TBRG1: variants seen among roughly 807,000 people sequenced by gnomAD.
TBRG1 encodes the protein transforming growth factor beta regulator 1, also known as nuclear interactor of ARF and MDM2.
Under a neutral mutation model 44.0 loss-of-function variants are expected in TBRG1, and 31 were observed. The observed-to-expected ratio is 0.70, with a 90% CI of 0.53 to 0.95. The LOEUF (loss-of-function observed/expected upper bound fraction) is 0.95. TBRG1 is among the 40% of genes least tolerant of loss of function. The pLI, the probability that TBRG1 is intolerant of heterozygous loss-of-function variation, is 0.00. For missense variants in TBRG1, 487 were observed against 496.1 expected (o/e 0.98, Z 0.18); for synonymous variants, 171 against 188.1 (o/e 0.91, Z 0.74).
rs1215123215 is a variant in TBRG1, at chr11:124,623,202, G to A, written c.119G>A (p.Arg40Gln). 1.3e-6 allele frequency: 2 copies of A among 1,551,524 alleles called. No homozygotes were observed. Among genetic ancestry groups the A allele is most frequent in the Non-Finnish European group, 1.7e-6 (2 of 1,147,000 alleles). The change falls in exon 1 of 9, where the codon CGG becomes CAG. Residue 40 changes from arginine (R) to glutamine (Q), a missense_variant. By Grantham distance (43) the Arg-to-Gln change is conservative. Transcript: ENST00000441174. ...QNEKYRLKYL[R>Q]LRKAAKATVF... ...GAGAAGTACCGGCTGAAGTACCTGC[G>A]GCTGCGCAAAGCGGCCAAGGCCACG...
At chr11:124,630,939 C>A in intron 7 of TBRG1, 84 bp downstream of exon 7, 1 of 1,000,708 alleles carries the variant, frequency 1.0e-6, no homozygotes, top group Non-Finnish European at 1.5e-6. Context: ...TGTTCACTGA[C>A]CTTCTGTGTC....
intron 2 of TBRG1, among the ~76,000 whole-genome samples, chr11:124,625,425 A>G (rs1290598828): frequency 2.6e-5 from 4 of 152,232 alleles, no homozygotes. Flanking sequence ...GAAGCCTAAC[A>G]CCGTCCAACA....
Position 124,626,601 on chromosome 11 carries a change from C to G in TBRG1, c.583C>G (p.Leu195Val), listed in dbSNP as rs1233749115. The G allele has an allele frequency of 1.9e-6, 3 of 1,551,662 alleles. No homozygotes were observed. Among genetic ancestry groups the G allele is most frequent in the Non-Finnish European group, 2.6e-6 (3 of 1,146,972 alleles). The change falls in exon 4 of 9, where the codon CTG becomes GTG. Residue 195 changes from leucine (L) to valine (V), a missense_variant. By Grantham distance (32) the Leu-to-Val change is conservative. Transcript: ENST00000441174. Reference protein sequence around the residue: ...IGLGGLTVYSLGEIITDRPGF... With the variant: ...IGLGGLTVYSVGEIITDRPGF... ...ACTAGGGGGTCTAACAGTATATAGC[C>G]TGGGGGAGGTGAGTGAGACCAGCGA...
At chr11:124,628,567 GC>G (rs137923259) in intron 5 of TBRG1, among the ~76,000 whole-genome samples, 23,769 of 149,182 alleles carry the variant, frequency 0.16, 2,415 homozygotes, top group Non-Finnish European at 0.23. Context: ...CAGAAACAGT[GC>G]AGATGGTAAA....
chr11:124,630,217 T>C (rs1942578220), intron 5 of TBRG1, 171 bp from the exon 6 acceptor site: 2 of 586,782 alleles, frequency 3.4e-6, no homozygotes, highest in Admixed American at 5.1e-5. Flanking sequence ...TTTCTCTAGG[T>C]ACTTGGATTT....
At chr11:124,625,589 G>T in intron 2 of TBRG1, 82 bp from the exon 3 acceptor site, 3 of 1,253,840 alleles carry the variant, frequency 2.4e-6, no homozygotes, top group Non-Finnish European at 2.2e-6. Flanking sequence ...TATAATTCTG[G>T]CTTTTCCCAG....
intron 8 of TBRG1, 36 bp downstream of exon 8, chr11:124,631,453 A>G (rs755856747): frequency 1.1e-5 from 18 of 1,609,026 alleles, no homozygotes; most frequent in Non-Finnish European, 1.4e-5. Context: ...TTGAAAATTG[A>G]CTGTGTTTAG....
rs1184277212 is a variant in TBRG1, at chr11:124,633,724, G to A, written c.*1486G>A. 6.6e-6 allele frequency: 1 copy of A among 152,200 alleles called. No homozygotes were observed. Among genetic ancestry groups the A allele is most frequent in the Non-Finnish European group, 1.5e-5 (1 of 68,034 alleles). The allele number at this position is 152,200 out of a possible 1,614,324, so 9.4% of individuals were successfully genotyped here. A position where few individuals can be genotyped will look rare whatever the true frequency, so the allele number is the denominator to read the frequency against. ...ACTTTGTATAATAGCAAATCGGGAA[G>A]GGGACTGCTTAAAATGTTAATGCAG... On this transcript the variant is annotated 3_prime_UTR_variant, in exon 9 of 9. Transcript: ENST00000441174.
intron 5 of TBRG1, 83 bp downstream of exon 5, chr11:124,627,133 A>G: frequency 1.0e-6 from 1 of 996,168 alleles, no homozygotes; most frequent in Admixed American, 2.1e-5. Flanking sequence ...GATACCTTAC[A>G]AGGTAGATAT....
At chr11:124,623,941 A>G (rs1942399025) in intron 1 of TBRG1, among the ~76,000 whole-genome samples, 1 of 152,234 alleles carries the variant, frequency 6.6e-6, no homozygotes, top group African/African-American at 2.4e-5. Context: ...ATGTCCCCCC[A>G]CATCCAAGTC....
Position 124,626,955 on chromosome 11 carries a change from G to C in TBRG1, c.643G>C (p.Gly215Arg). The C allele has an allele frequency of 6.2e-7, 1 of 1,602,140 alleles. No homozygotes were observed. Among genetic ancestry groups the C allele is most frequent in the Non-Finnish European group, 8.5e-7 (1 of 1,173,580 alleles). Residue 215 changes from glycine (G) to arginine (R), a missense_variant, in exon 5 of 9, where the codon GGC becomes CGC. Physicochemically the swap from Gly to Arg is moderately radical, Grantham distance 125 (BLOSUM62 -2). Coordinates refer to ENST00000441174, the MANE Select transcript of TBRG1 (RefSeq NM_032811.3). ...TGATGAGAGTGCCATCTACCCCGTG[G>C]GCTATTGCAGTACTCGAATATATGC... Reference protein sequence around the residue: ...FHDESAIYPVGYCSTRIYASM... With the variant: ...FHDESAIYPVRYCSTRIYASM...
chr11:124,635,905 C>A lies in TBRG1; in HGVS notation c.*3667C>A, dbSNP rs1942725443. ...AAACTGCATTAAGATTCTTAATAAA[C>A]AAACACTGAAGGCCTCTTTCATATT... On this transcript the variant is annotated 3_prime_UTR_variant, in exon 9 of 9. Coordinates refer to ENST00000441174, the MANE Select transcript of TBRG1 (RefSeq NM_032811.3). 1 of 152,166 alleles carries A rather than the reference C, an allele frequency of 6.6e-6. No individual in the cohort carries two copies. Among genetic ancestry groups the A allele is most frequent in the Admixed American group, 6.5e-5 (1 of 15,278 alleles). The allele number at this position is 152,166 out of a possible 1,614,324, so 9.4% of individuals were successfully genotyped here.
chr11:124,624,987 A>G lies in TBRG1; in HGVS notation c.207A>G (p.Ala69=), dbSNP rs2134323831. ...GTCTTGAGGAAAAATTTCTTAAAGC[A>G]AAAGAAGAAAGAAGGTGAGCTGGCT... ...IARLEEKFLK[A]KEERRYLLKK... Residue 69 remains alanine (A), a synonymous_variant, in exon 2 of 9, where the codon GCA becomes GCG. Coordinates refer to ENST00000441174, the MANE Select transcript of TBRG1 (RefSeq NM_032811.3). 5 of 1,548,880 alleles carry G rather than the reference A, an allele frequency of 3.2e-6. No individual in the cohort carries two copies. Among genetic ancestry groups the G allele is most frequent in the East Asian group, 2.4e-5 (1 of 40,912 alleles).
rs1942372526 is a variant in TBRG1 at position 124,623,010 on chromosome 11, A to G, written c.-74A>G. On this transcript the variant is annotated 5_prime_UTR_variant, in exon 1 of 9. Transcript: ENST00000441174. ...CCGCTAGCCCGGAACAGACAAAGCC[A>G]GCGCTCCCGCCCGCTCCCCGACTTA... 7.0e-7 allele frequency: 1 copy of G among 1,434,932 alleles called. No individual in the cohort carries two copies. Among genetic ancestry groups the G allele is most frequent in the African/African-American group, 1.4e-5 (1 of 69,656 alleles). The allele number at this position is 1,434,932 out of a possible 1,614,324, so 88.9% of individuals were successfully genotyped here.
intron 5 of TBRG1, among the ~76,000 whole-genome samples, chr11:124,628,116 TAC>T (rs368617758): frequency 0.057 from 2,347 of 41,452 alleles, 161 homozygotes; most frequent in Middle Eastern, 0.14. Flanking sequence ...TATATATATA[TAC>T]ACACACACAC....
rs2134340154 is a variant in TBRG1, at chr11:124,633,047, C to T, written c.*809C>T. ...CAAAATCCAATGTTCTGCTTAAACTCAAGATGGAAAGTCCAGTCCAAGGTA... is the reference window on the plus strand; with the variant it reads ...CAAAATCCAATGTTCTGCTTAAACTTAAGATGGAAAGTCCAGTCCAAGGTA... On this transcript the variant is annotated 3_prime_UTR_variant, in exon 9 of 9. Coordinates refer to ENST00000441174, the MANE Select transcript of TBRG1 (RefSeq NM_032811.3). The T allele has an allele frequency of 6.6e-6, 1 of 152,324 alleles. No homozygotes were observed. The highest frequency in any genetic ancestry group is 6.5e-5 in the Admixed American group (1 of 15,290). 9.4% of individuals were successfully genotyped at this position (152,324 alleles called of 1,614,324 possible).
chr11:124,626,450 G>A (rs1247087226), intron 3 of TBRG1, 23 bp from the exon 4 acceptor site: 4 of 1,509,648 alleles, frequency 2.6e-6, no homozygotes, highest in African/African-American at 1.4e-5. Context: ...CCTAAAGTGG[G>A]TGACCCCAGA....
At chr11:124,631,937 T>C (rs1942623098) in intron 8 of TBRG1, 156 bp from the exon 9 acceptor site, 1 of 633,186 alleles carries the variant, frequency 1.6e-6, no homozygotes, top group South Asian at 2.0e-5. Flanking sequence ...CCAGTTTTCA[T>C]TGTAAAAGTA....
Position 124,623,214 on chromosome 11 carries a change from C to T in TBRG1, c.131C>T (p.Ala44Val), listed in dbSNP as rs2134318750. The change falls in exon 1 of 9, where the codon GCG becomes GTG. Residue 44 changes from alanine to valine, a missense_variant. Coordinates refer to ENST00000441174, the MANE Select transcript of TBRG1 (RefSeq NM_032811.3). ...YRLKYLRLRK[A>V]AKATVFENAA... ...CTGAAGTACCTGCGGCTGCGCAAAG[C>T]GGCCAAGGCCACGGTGTTTGTGAGT... 1 of 1,551,548 alleles carries T rather than the reference C, an allele frequency of 6.4e-7. No individual in the cohort carries two copies. The highest frequency in any genetic ancestry group is 2.4e-5 in the East Asian group (1 of 40,928).
Sources: gnomAD v4.1 joint callset for allele counts (sites outside exome capture counted in the v4.1 genomes callset) on GRCh38, gnomAD v4.1.1 for gene constraint, MANE v1.5 for transcripts, NCBI Gene and HGNC (gene_info 2026-07-23, HGNC 2026-07-21) for gene names.